Variants in SPG11 observed in about 807,000 individuals in gnomAD.
SPG11 encodes SPG11 vesicle trafficking associated, spatacsin.
Under a neutral mutation model 274.0 loss-of-function variants are expected in SPG11, and 222 were observed. The observed-to-expected ratio is 0.81, with a 90% CI of 0.73 to 0.91. The LOEUF is 0.91. SPG11 is among the 40% of genes least tolerant of loss of function. SPG11 has a pLI of 0.00. For synonymous variants in SPG11, 1,144 were observed against 1,039.7 expected, an observed-to-expected ratio of 1.10 and a Z score of -1.93; for missense variants, 3,114 against 2,872.7, an observed-to-expected ratio of 1.08 and a Z score of -1.92.
chr15:44,595,939 A>T, intron 25 of SPG11, 144 bp downstream of exon 25: 1 of 1,123,110 alleles, frequency 8.9e-7, no homozygotes, highest in Non-Finnish European at 1.3e-6. Context: ...CTAGAGAAGC[A>T]CAAAATGTTG....
chr15:44,603,815 G>A (rs1298951418), intron 20 of SPG11, among the ~76,000 whole-genome samples: 1 of 152,064 alleles, frequency 6.6e-6, no homozygotes, highest in Non-Finnish European at 1.5e-5. Context: ...AAATGTAAAT[G>A]CCATGTAGAT....
At chr15:44,583,731 C>T in intron 30 of SPG11, 83 bp downstream of exon 30, 1 of 1,592,048 alleles carries the variant, frequency 6.3e-7, no homozygotes, top group Non-Finnish European at 8.6e-7. Flanking sequence ...TAGAACTATT[C>T]TGCCACAAGG....
In SPG11 at chr15:44,585,775, A is replaced by T; in HGVS notation, c.4982T>A (p.Ile1661Asn). The change falls in exon 29 of 40, where the codon ATT becomes AAT. Residue 1661 changes from isoleucine (I) to asparagine (N), a missense_variant. Physicochemically the swap from Ile to Asn is moderately radical, Grantham distance 149. Transcript: ENST00000261866. The part of the protein sequence containing the change: ...DTSIAINHTI[I>N]TSYSIENLQH... The stretch of plus-strand genomic sequence containing the variant: ...AAGATTCTCAATGCTGTAGCTGGTA[A>T]TAATTGTATGATTAATGGCTATGGA... 3 of 1,614,108 alleles carry T rather than the reference A, an allele frequency of 1.9e-6. No individual in the cohort carries two copies. Among genetic ancestry groups the T allele is most frequent in the Non-Finnish European group, 2.5e-6 (3 of 1,180,006 alleles).
At chr15:44,635,384 G>A (rs2084209174) in intron 7 of SPG11, among the ~76,000 whole-genome samples, 1 of 151,882 alleles carries the variant, frequency 6.6e-6, no homozygotes, top group South Asian at 2.1e-4. Context: ...AGACCAGCCT[G>A]GGCAACATAG....
chr15:44,573,460 T>G (rs1382535260), intron 32 of SPG11, 87 bp downstream of exon 32: 1 of 1,392,082 alleles, frequency 7.2e-7, no homozygotes, highest in East Asian at 2.4e-5. Context: ...ACATACAGGA[T>G]GTATATAAGC....
rs1271579156 is a variant in SPG11, at chr15:44,577,517, A to AC, written c.5867-2477_5867-2476insG. Among the ~76,000 whole-genome samples the AC allele has an allele frequency of 9.9e-5, 15 of 151,218 alleles. 1 individual carries two copies. The highest frequency in any genetic ancestry group is 7.9e-4 in the Admixed American group (12 of 15,168). ...GGCCCTATCTCAAAAAAAAAAAAAA[A>AC]AACAAAACAAAAACTCTTAAAGATA... is the stretch of plus-strand genomic sequence containing the variant. On this transcript the variant is annotated intron_variant, in intron 30 of 39. Coordinates refer to ENST00000261866, the MANE Select transcript of SPG11 (RefSeq NM_025137.4).
chr15:44,608,577 C>T lies in SPG11; in HGVS notation c.3320G>A (p.Cys1107Tyr). The change falls in exon 19 of 40, where the codon TGT becomes TAT. Residue 1107 changes from cysteine to tyrosine, a missense_variant. By Grantham distance (194) the Cys-to-Tyr change is radical. Coordinates refer to ENST00000261866, the MANE Select transcript of SPG11 (RefSeq NM_025137.4). ...QVVQNEENENCLKKVDPQLLK... is the reference protein window; with the variant it reads ...QVVQNEENENYLKKVDPQLLK... ...TAGCTGGGGATCCACTTTCTTCAAA[C>T]AGTTTTCATTTTCTTCATTCTGAAC... 6.2e-7 allele frequency: 1 copy of T among 1,614,038 alleles called. No homozygotes were observed. The highest frequency in any genetic ancestry group is 2.2e-5 in the East Asian group (1 of 44,854).
intron 36 of SPG11, among the ~76,000 whole-genome samples, chr15:44,566,763 G>A (rs530373016): frequency 5.9e-5 from 9 of 152,090 alleles, no homozygotes; most frequent in Admixed American, 2.0e-4. Context: ...CAATGGGCGC[G>A]ATCTTGGCTC....
intron 11 of SPG11, among the ~76,000 whole-genome samples, chr15:44,623,701 T>A (rs560185714): frequency 6.6e-6 from 1 of 152,150 alleles, no homozygotes; most frequent in South Asian, 2.1e-4. Flanking sequence ...AAGTCTTCTA[T>A]GAGAAACACT....
At chr15:44,606,220 A>G in intron 19 of SPG11, 129 bp from the exon 20 acceptor site, 1 of 718,506 alleles carries the variant, frequency 1.4e-6, no homozygotes, top group Non-Finnish European at 2.4e-6. Flanking sequence ...CTTATTCTGG[A>G]CATAAATTCT....
intron 20 of SPG11, among the ~76,000 whole-genome samples, chr15:44,602,049 T>G (rs1234215079): frequency 2.6e-5 from 4 of 152,238 alleles, no homozygotes; most frequent in Non-Finnish European, 5.9e-5. Context: ...GAAACACTGA[T>G]TTTTGTATGT....
chr15:44,604,693 C>T (rs1196737493), intron 20 of SPG11, among the ~76,000 whole-genome samples: 1 of 151,916 alleles, frequency 6.6e-6, no homozygotes, highest in Non-Finnish European at 1.5e-5. Flanking sequence ...CTTTGGGAGG[C>T]CGAGGTGGGT....
intron 30 of SPG11, among the ~76,000 whole-genome samples, chr15:44,575,883 C>T (rs2140932965): frequency 6.6e-6 from 1 of 152,144 alleles, no homozygotes; most frequent in Admixed American, 6.5e-5. Flanking sequence ...TGGCTCACGC[C>T]TATAATCCCA....
In SPG11 at chr15:44,638,492, A is replaced by C. The variant is rs548112540; in HGVS notation, c.1603-4855T>G. Reference sequence around the variant, plus strand: ...AACAAACAAACAAACAACAAAAAAAACCACAAAACCCCCCCCCCCAACACA... The same window carrying C: ...AACAAACAAACAAACAACAAAAAAACCCACAAAACCCCCCCCCCCAACACA... On this transcript the variant is annotated intron_variant, in intron 7 of 39. Transcript: ENST00000261866. 1.5e-3 allele frequency among the ~76,000 whole-genome samples: 194 copies of C among 128,346 alleles called. 1 individual carries two copies. Among genetic ancestry groups the C allele is most frequent in the East Asian group, 4.4e-3 (17 of 3,826 alleles). 84.2% of individuals were successfully genotyped at this position (128,346 alleles called of 152,430 possible).
chr15:44,571,846 C>T (rs2082432385), intron 33 of SPG11, among the ~76,000 whole-genome samples: 1 of 152,156 alleles, frequency 6.6e-6, no homozygotes, highest in Non-Finnish European at 1.5e-5. Flanking sequence ...GACTAGAGTT[C>T]AGTGTTGCAA....
chr15:44,576,879 T>G (rs1449364062), intron 30 of SPG11, among the ~76,000 whole-genome samples: 1 of 151,206 alleles, frequency 6.6e-6, no homozygotes, highest in Non-Finnish European at 1.5e-5. Flanking sequence ...CAGGCTAGAG[T>G]GCAGTGGCAC....
intron 24 of SPG11, 124 bp downstream of exon 24, chr15:44,596,660 C>CAAAAAAA (rs5812279): frequency 5.9e-5 from 16 of 271,374 alleles, no homozygotes; most frequent in East Asian, 2.0e-4. Flanking sequence ...GTATCCTGGT[C>CAAAAAAA]AAAAAAAAAA....
chr15:44,640,613 A>G (rs1452449175), intron 7 of SPG11, among the ~76,000 whole-genome samples: 1 of 152,264 alleles, frequency 6.6e-6, no homozygotes, highest in Non-Finnish European at 1.5e-5. Flanking sequence ...GCAAGATGGA[A>G]TTGGCCTAAG....
intron 7 of SPG11, among the ~76,000 whole-genome samples, chr15:44,647,915 C>G (rs1265431158): frequency 6.6e-6 from 1 of 152,056 alleles, no homozygotes; most frequent in Non-Finnish European, 1.5e-5. Flanking sequence ...TGATTTATAT[C>G]TCAATAAAGC....
Sources: allele counts gnomAD v4.1 joint callset (sites outside exome capture counted in the v4.1 genomes callset), GRCh38; gene constraint gnomAD v4.1.1; transcripts MANE v1.5; gene names NCBI Gene and HGNC (gene_info 2026-07-23, HGNC 2026-07-21).